LYPLAL1: variants seen among roughly 807,000 people sequenced by gnomAD.
LYPLAL1 encodes the protein lysophospholipase-like protein 1.
LYPLAL1 carries 23 observed loss-of-function variants against 19.7 expected under a neutral mutation model. The ratio of observed to expected loss-of-function variants is 1.17; its 90% confidence interval spans 0.84 to 1.65. LYPLAL1 has a LOEUF of 1.65. Among genes scored for constraint, LYPLAL1 ranks in the 40% most tolerant of loss-of-function variants. LYPLAL1 has a pLI of 0.00. For synonymous variants in LYPLAL1, 119 were observed against 96.3 expected (o/e 1.24, Z -1.38); for missense variants, 355 against 279.4 (o/e 1.27, Z -1.93).
chr1:219,188,486 G>C (rs191846090), intron 2 of LYPLAL1, among the ~76,000 whole-genome samples: 36 of 151,752 alleles, frequency 2.4e-4, no homozygotes, highest in Admixed American at 1.3e-3. Context: ...TAATAAGCTC[G>C]TACTATTTGA....
chr1:219,356,124 T>C, the LYPLAL1 span, among the ~76,000 whole-genome samples: 2 of 152,020 alleles, frequency 1.3e-5, no homozygotes, highest in African/African-American at 4.8e-5. Context: ...TAGATGAAAA[T>C]CCAGCAATAA....
chr1:219,398,963 C>T, the LYPLAL1 span, among the ~76,000 whole-genome samples: 2 of 152,248 alleles, frequency 1.3e-5, no homozygotes, highest in South Asian at 2.1e-4. Flanking sequence ...AGTCACTACA[C>T]TCCAATGGAT....
chr1:219,393,579 T>C, the LYPLAL1 span, among the ~76,000 whole-genome samples: 3 of 152,000 alleles, frequency 2.0e-5, no homozygotes, highest in African/African-American at 4.8e-5. Flanking sequence ...TTCTCAAAAA[T>C]AAATAAATAA....
At chr1:219,251,453 A>C in the LYPLAL1 span, among the ~76,000 whole-genome samples, 2 of 151,920 alleles carry the variant, frequency 1.3e-5, no homozygotes, top group Non-Finnish European at 1.5e-5. Context: ...TTGATTTTGC[A>C]TGTGGCATAA....
chr1:219,183,309 T>C (rs1035650503), intron 2 of LYPLAL1, among the ~76,000 whole-genome samples: 1 of 152,092 alleles, frequency 6.6e-6, no homozygotes, highest in African/African-American at 2.4e-5. Context: ...GTTGGAGTTC[T>C]GTAGTTTTTT....
chr1:219,388,760 T>G, the LYPLAL1 span, among the ~76,000 whole-genome samples: 3 of 152,194 alleles, frequency 2.0e-5, no homozygotes, highest in African/African-American at 7.2e-5. Context: ...CTGCAGGTGT[T>G]GATGAACATT....
At chr1:219,406,621 G>A in the LYPLAL1 span, among the ~76,000 whole-genome samples, 1 of 152,104 alleles carries the variant, frequency 6.6e-6, no homozygotes, top group African/African-American at 2.4e-5. Flanking sequence ...TGAAGAAGAA[G>A]GAAATACAAT....
At chr1:219,349,711 A>G in the LYPLAL1 span, among the ~76,000 whole-genome samples, 5 of 152,314 alleles carry the variant, frequency 3.3e-5, no homozygotes, top group African/African-American at 9.6e-5. Context: ...GAGAGTGGGA[A>G]TCAGTCTGGC....
the LYPLAL1 span, among the ~76,000 whole-genome samples, chr1:219,435,643 A>G: frequency 6.6e-5 from 10 of 151,890 alleles, no homozygotes; most frequent in Admixed American, 6.6e-4. Flanking sequence ...TGGCCAACAT[A>G]GTGAAACCCC....
At chr1:219,286,724 ACTT>A in the LYPLAL1 span, among the ~76,000 whole-genome samples, 12 of 152,234 alleles carry the variant, frequency 7.9e-5, no homozygotes, top group Admixed American at 1.3e-4. Flanking sequence ...AACATACTTG[ACTT>A]CTTCTGCACA....
At chr1:219,421,627 G>A in the LYPLAL1 span, among the ~76,000 whole-genome samples, 1 of 152,082 alleles carries the variant, frequency 6.6e-6, no homozygotes, top group Non-Finnish European at 1.5e-5. Context: ...CATCCTCAAA[G>A]CCATTGAAAA....
chr1:219,205,296 G>T (rs570405340), intron 3 of LYPLAL1, among the ~76,000 whole-genome samples: 1 of 147,704 alleles, frequency 6.8e-6, no homozygotes, highest in Non-Finnish European at 1.5e-5. Flanking sequence ...AGCGGAGCTT[G>T]CAGTGAGCCG....
chr1:219,190,048 A>C (rs779091222), intron 2 of LYPLAL1, among the ~76,000 whole-genome samples: 2 of 151,606 alleles, frequency 1.3e-5, no homozygotes, highest in Non-Finnish European at 3.0e-5. Context: ...TAGATACTAA[A>C]TAGAAACTAA....
chr1:219,380,457 G>A, the LYPLAL1 span, among the ~76,000 whole-genome samples: 1 of 152,230 alleles, frequency 6.6e-6, no homozygotes, highest in Non-Finnish European at 1.5e-5. Context: ...GGCACCATTA[G>A]TCTTGTCATG....
chr1:219,195,010 G>A (rs982994997), intron 3 of LYPLAL1, among the ~76,000 whole-genome samples: 5 of 151,954 alleles, frequency 3.3e-5, no homozygotes, highest in Admixed American at 2.0e-4. Context: ...GAACGTGATG[G>A]CATAATGGTG....
the LYPLAL1 span, among the ~76,000 whole-genome samples, chr1:219,260,989 G>A: frequency 2.6e-5 from 4 of 151,222 alleles, no homozygotes; most frequent in Non-Finnish European, 4.4e-5. Flanking sequence ...ATAATCCTTG[G>A]GTCACAAAGA....
At chr1:219,207,876 A>G (rs2125109887) in intron 3 of LYPLAL1, among the ~76,000 whole-genome samples, 1 of 152,192 alleles carries the variant, frequency 6.6e-6, no homozygotes, top group Non-Finnish European at 1.5e-5. Flanking sequence ...TTGCCTTGCT[A>G]CAGAGAAACT....
At chr1:219,179,547 T>G (rs959456943) in intron 2 of LYPLAL1, 2 of 241,676 alleles carry the variant, frequency 8.3e-6, no homozygotes, top group African/African-American at 4.5e-5. Context: ...ACTTTCATAC[T>G]TCTTCCCTAC....
At chr1:219,320,953 T>C in the LYPLAL1 span, among the ~76,000 whole-genome samples, 1 of 152,118 alleles carries the variant, frequency 6.6e-6, no homozygotes, top group South Asian at 2.1e-4. Flanking sequence ...TGGGTATATA[T>C]CCAGTAATGG....
Sources: gnomAD v4.1 joint callset for allele counts (sites outside exome capture counted in the v4.1 genomes callset) on GRCh38, gnomAD v4.1.1 for gene constraint, MANE v1.5 for transcripts, NCBI Gene and HGNC (gene_info 2026-07-23, HGNC 2026-07-21) for gene names.